Variants in NKAIN2 observed in about 807,000 individuals in gnomAD.
The protein encoded by NKAIN2 is sodium/potassium transporting ATPase interacting 2, also known as sodium/potassium-transporting ATPase subunit beta-1-interacting protein 2.
Under a neutral mutation model 32.6 loss-of-function variants are expected in NKAIN2, and 14 were observed. That is an observed-to-expected ratio of 0.43 (90% CI 0.28 to 0.67). The LOEUF (loss-of-function observed/expected upper bound fraction) is 0.67. Among genes scored for constraint, NKAIN2 ranks in the 30% least tolerant of loss-of-function variants. The pLI, the probability that NKAIN2 is intolerant of heterozygous loss-of-function variation, is 0.17. For missense variants in NKAIN2, 198 were observed against 258.3 expected, an observed-to-expected ratio of 0.77 and a Z score of 1.60; for synonymous variants, 80 against 87.2, an observed-to-expected ratio of 0.92 and a Z score of 0.46.
chr6:123,946,561 A>T (rs559579121), intron 1 of NKAIN2, among the ~76,000 whole-genome samples: 1 of 152,182 alleles, frequency 6.6e-6, no homozygotes, highest in South Asian at 2.1e-4. Context: ...CAGCTGTCAG[A>T]TTATGTTGGA....
At chr6:123,812,289 G>A (rs908656551) in intron 1 of NKAIN2, among the ~76,000 whole-genome samples, 4 of 152,100 alleles carry the variant, frequency 2.6e-5, no homozygotes, top group African/African-American at 9.7e-5. Context: ...TTAATATTCA[G>A]TGATTGCCTA....
At chr6:124,040,264 T>C (rs1017600043) in intron 1 of NKAIN2, among the ~76,000 whole-genome samples, 1 of 151,944 alleles carries the variant, frequency 6.6e-6, no homozygotes, top group African/African-American at 2.4e-5. Flanking sequence ...AAGATTTTGT[T>C]ATAGTTTTCT....
chr6:123,846,670 G>T (rs1393049199), intron 1 of NKAIN2, among the ~76,000 whole-genome samples: 1 of 152,140 alleles, frequency 6.6e-6, no homozygotes, highest in Non-Finnish European at 1.5e-5. Context: ...AAATTCTTCA[G>T]ATAAAAGAAA....
At chr6:124,221,787 A>G (rs1019631018) in intron 1 of NKAIN2, among the ~76,000 whole-genome samples, 4 of 152,072 alleles carry the variant, frequency 2.6e-5, no homozygotes, top group African/African-American at 7.2e-5. Context: ...ATGAGGAAGA[A>G]TTTGTTTTGA....
intron 1 of NKAIN2, among the ~76,000 whole-genome samples, chr6:124,184,843 T>G (rs1010042959): frequency 6.6e-6 from 1 of 152,168 alleles, no homozygotes; most frequent in African/African-American, 2.4e-5. Context: ...TTGCATTTTT[T>G]TTCAGCAACT....
intron 1 of NKAIN2, among the ~76,000 whole-genome samples, chr6:123,921,206 T>G (rs1775736617): frequency 6.6e-6 from 1 of 152,226 alleles, no homozygotes; most frequent in South Asian, 2.1e-4. Flanking sequence ...TCAGCCAGTT[T>G]GTTTGCCCAT....
intron 1 of NKAIN2, among the ~76,000 whole-genome samples, chr6:124,144,639 GA>G (rs1186407227): frequency 2.6e-5 from 4 of 152,006 alleles, no homozygotes; most frequent in Non-Finnish European, 5.9e-5. Context: ...AACTCAAAAT[GA>G]ATCATGGACT....
intron 1 of NKAIN2, among the ~76,000 whole-genome samples, chr6:124,086,841 A>G (rs1299768831): frequency 6.6e-6 from 1 of 151,934 alleles, no homozygotes; most frequent in African/African-American, 2.4e-5. Context: ...TTTCTACAAA[A>G]CATTTAAGGA....
At chr6:124,083,565 A>G (rs1015492777) in intron 1 of NKAIN2, among the ~76,000 whole-genome samples, 39 of 151,858 alleles carry the variant, frequency 2.6e-4, no homozygotes, top group Admixed American at 1.3e-4. Flanking sequence ...CTCTTTTACT[A>G]CTTCTTTATA....
chr6:124,360,257 G>A (rs536271510), intron 3 of NKAIN2, among the ~76,000 whole-genome samples: 1 of 152,106 alleles, frequency 6.6e-6, no homozygotes, highest in Admixed American at 6.5e-5. Context: ...TCTCTGCCAG[G>A]CTTTGGTATC....
chr6:124,447,160 G>A (rs149160688), intron 3 of NKAIN2, among the ~76,000 whole-genome samples: 49 of 151,942 alleles, frequency 3.2e-4, no homozygotes, highest in South Asian at 6.3e-4. Context: ...CATGTTTGAC[G>A]TATTTCCTTT....
intron 3 of NKAIN2, among the ~76,000 whole-genome samples, chr6:124,636,903 C>T (rs1783792230): frequency 1.3e-5 from 2 of 152,044 alleles, no homozygotes; most frequent in Admixed American, 1.3e-4. Flanking sequence ...CCAGCATTAC[C>T]CTGGTACCAA....
intron 1 of NKAIN2, among the ~76,000 whole-genome samples, chr6:124,199,822 G>C (rs916136304): frequency 6.6e-6 from 1 of 152,094 alleles, no homozygotes; most frequent in Non-Finnish European, 1.5e-5. Context: ...AAACCCTTAT[G>C]TAAGCACAGT....
chr6:124,262,480 G>A (rs1449753438), intron 1 of NKAIN2, among the ~76,000 whole-genome samples: 1 of 152,158 alleles, frequency 6.6e-6, no homozygotes, highest in African/African-American at 2.4e-5. Flanking sequence ...CTAAAGAAAA[G>A]TTGGAAACAT....
intron 1 of NKAIN2, among the ~76,000 whole-genome samples, chr6:123,844,804 T>G (rs1775024058): frequency 6.6e-6 from 1 of 152,220 alleles, no homozygotes; most frequent in Non-Finnish European, 1.5e-5. Context: ...CATCACCATA[T>G]GGCAACCATA....
chr6:124,377,753 A>C (rs1445138248), intron 3 of NKAIN2, among the ~76,000 whole-genome samples: 2 of 152,182 alleles, frequency 1.3e-5, no homozygotes, highest in African/African-American at 4.8e-5. Flanking sequence ...TTAGCGTGGA[A>C]TGACATAAAA....
At chr6:124,174,398 C>G (rs1449104691) in intron 1 of NKAIN2, among the ~76,000 whole-genome samples, 1 of 152,016 alleles carries the variant, frequency 6.6e-6, no homozygotes, top group Non-Finnish European at 1.5e-5. Flanking sequence ...TTAAGGAAAA[C>G]AAAGATAAAA....
intron 3 of NKAIN2, among the ~76,000 whole-genome samples, chr6:124,637,221 G>C (rs1783804651): frequency 6.6e-6 from 1 of 151,816 alleles, no homozygotes; most frequent in Admixed American, 6.6e-5. Flanking sequence ...CAACAAATTA[G>C]GTATAAAAGA....
chr6:124,124,016 A>AT (rs56266930), intron 1 of NKAIN2, among the ~76,000 whole-genome samples: 104,736 of 151,438 alleles, frequency 0.69, 36,486 homozygotes, highest in African/African-American at 0.77. Flanking sequence ...TTCCATGTGC[A>AT]TTACTTTATT....
Sources: gnomAD v4.1 joint callset for allele counts (sites outside exome capture counted in the v4.1 genomes callset) on GRCh38, gnomAD v4.1.1 for gene constraint, MANE v1.5 for transcripts, NCBI Gene and HGNC (gene_info 2026-07-23, HGNC 2026-07-21) for gene names.